CD109: variants seen among roughly 807,000 people sequenced by gnomAD.
CD109 encodes CD109 molecule.
In CD109, 149 loss-of-function variants were observed where a neutral mutation model predicts 165.8. That is an observed-to-expected ratio of 0.90 (90% CI 0.79 to 1.03). The LOEUF (loss-of-function observed/expected upper bound fraction) is 1.03, where lower values mean the gene tolerates loss of function less well. CD109 is among the 50% of genes least tolerant of loss of function. CD109 has a pLI of 0.00. For synonymous variants in CD109, 585 were observed against 592.1 expected, an observed-to-expected ratio of 0.99 and a Z score of 0.18; for missense variants, 1,712 against 1,677.8, an observed-to-expected ratio of 1.02 and a Z score of -0.36.
At chr6:73,742,155 C>T (rs1266267255) in intron 5 of CD109, among the ~76,000 whole-genome samples, 2 of 152,058 alleles carry the variant, frequency 1.3e-5, no homozygotes, top group Non-Finnish European at 2.9e-5. Context: ...AAATCTACAC[C>T]TATTAAACAA....
At chr6:73,679,405 C>A in the CD109 span, among the ~76,000 whole-genome samples, 1 of 151,774 alleles carries the variant, frequency 6.6e-6, no homozygotes, top group Non-Finnish European at 1.5e-5. Context: ...AAGTTATATT[C>A]CAAAAGGTTT....
chr6:73,784,167 A>G (rs1215216136), intron 19 of CD109, among the ~76,000 whole-genome samples: 1 of 152,210 alleles, frequency 6.6e-6, no homozygotes, highest in African/African-American at 2.4e-5. Context: ...GTCCTCTTCA[A>G]GAATGAACAG....
intron 23 of CD109, among the ~76,000 whole-genome samples, chr6:73,801,521 A>G (rs902899036): frequency 2.0e-5 from 3 of 152,236 alleles, no homozygotes; most frequent in Admixed American, 6.5e-5. Flanking sequence ...AAATATCACC[A>G]TGAAACAGAG....
chr6:73,707,720 A>T (rs933637993), intron 2 of CD109, among the ~76,000 whole-genome samples: 1 of 152,088 alleles, frequency 6.6e-6, no homozygotes, highest in Non-Finnish European at 1.5e-5. Flanking sequence ...AGTATAAAAT[A>T]CATAATGGAT....
rs1300381655 is a variant in CD109, at chr6:73,696,240, G to A, written c.25G>A (p.Ala9Thr). The change falls in exon 1 of 33, where the codon GCC (alanine) becomes ACC (threonine). Residue 9 changes from alanine (A) to threonine (T), a missense_variant. Coordinates refer to ENST00000287097, the MANE Select transcript of CD109 (RefSeq NM_133493.5). ...GATGCAGGGCCCACCGCTCCTGACC[G>A]CCGCCCACCTCCTCTGCGTGTGCAC... MQGPPLLT[A>T]AHLLCVCTAA... 2.6e-6 allele frequency: 4 copies of A among 1,543,582 alleles called. No homozygotes were observed. The South Asian group carries it at 4.7e-5, about 18-fold the overall frequency.
intron 13 of CD109, among the ~76,000 whole-genome samples, chr6:73,767,791 G>A (rs1346444856): frequency 2.0e-5 from 3 of 152,150 alleles, no homozygotes; most frequent in East Asian, 3.8e-4. Context: ...TCCCAATGGT[G>A]CCCTGTATTC....
At position 73,762,482 on chromosome 6, in the gene CD109, TA is replaced by T; in HGVS notation, c.855+4del. 6.4e-7 allele frequency: 1 copy of T among 1,568,828 alleles called. No homozygotes were observed. Among genetic ancestry groups the T allele is most frequent in the Non-Finnish European group, 8.8e-7 (1 of 1,140,020 alleles). On this transcript the variant is annotated splice_donor_region_variant and intron_variant, in intron 8 of 32. Transcript: ENST00000287097. Reference sequence around the variant, plus strand: ...AAAAATATTACAAAAACATTTAAGGTAACTTTTGCAGACACTTTATAACTTG... The same window carrying T: ...AAAAATATTACAAAAACATTTAAGGTACTTTTGCAGACACTTTATAACTTG...
At chr6:73,775,062 A>G (rs1175408537) in intron 15 of CD109, among the ~76,000 whole-genome samples, 1 of 151,880 alleles carries the variant, frequency 6.6e-6, no homozygotes, top group Non-Finnish European at 1.5e-5. Context: ...TCGTTAGCCT[A>G]TGCTGCAGCT....
intron 23 of CD109, among the ~76,000 whole-genome samples, chr6:73,795,699 G>A (rs549204291): frequency 2.9e-4 from 44 of 152,168 alleles, no homozygotes; most frequent in Non-Finnish European, 7.4e-5. Flanking sequence ...TTTCCCCTTG[G>A]GAGGAAGTAG....
rs562820589 is a variant in CD109 at position 73,792,102 on chromosome 6, G to C, written c.2702-524G>C. Among the ~76,000 whole-genome samples, 48 of 152,134 alleles carry C rather than the reference G, an allele frequency of 3.2e-4. 1 individual carries two copies. The highest frequency in any genetic ancestry group is 3.4e-3 in the Middle Eastern group (1 of 292). On this transcript the variant is annotated intron_variant, in intron 22 of 32. Transcript: ENST00000287097. ...GATTACTAACTTTGAATCCTTTTCC[G>C]AATCCTTTTGATCCTGAGATTAATT...
intron 5 of CD109, among the ~76,000 whole-genome samples, chr6:73,752,160 C>A (rs756989411): frequency 5.9e-5 from 9 of 152,142 alleles, no homozygotes; most frequent in Non-Finnish European, 1.2e-4. Flanking sequence ...CCAACCAGCA[C>A]CTTAGTTTTG....
At chr6:73,721,068 C>T (rs1771931263) in intron 2 of CD109, among the ~76,000 whole-genome samples, 1 of 152,214 alleles carries the variant, frequency 6.6e-6, no homozygotes, top group South Asian at 2.1e-4. Flanking sequence ...CCTTGTCCTA[C>T]CTGTACTATG....
chr6:73,813,524 T>C (rs4373332), intron 29 of CD109, among the ~76,000 whole-genome samples: 88,411 of 151,376 alleles, frequency 0.58, 26,596 homozygotes, highest in African/African-American at 0.74. Flanking sequence ...AGGAAGGGAC[T>C]AGTAGGCACC....
At position 73,724,661 on chromosome 6, in the gene CD109, T is replaced by C. The variant is rs1328152139; in HGVS notation, c.276+1382T>C. The stretch of plus-strand genomic sequence containing the variant: ...ACAGGTCTTGGTCTGTTGCCCGGGC[T>C]GGAGTTCAGTGGCACAATCATGGCT... On this transcript the variant is annotated intron_variant, in intron 3 of 32. Coordinates refer to ENST00000287097, the MANE Select transcript of CD109 (RefSeq NM_133493.5). 2.0e-5 allele frequency among the ~76,000 whole-genome samples: 3 copies of C among 151,096 alleles called. No homozygotes were observed. In the East Asian group the frequency reaches 5.8e-4, roughly 29 times the overall value.
intron 22 of CD109, among the ~76,000 whole-genome samples, chr6:73,791,138 T>C (rs369320674): frequency 0.19 from 5,773 of 31,204 alleles, 313 homozygotes; most frequent in African/African-American, 0.33. Flanking sequence ...CATACATACA[T>C]ATATATATAT....
At chr6:73,769,315 A>G (rs1470584141) in intron 14 of CD109, among the ~76,000 whole-genome samples, 1 of 152,250 alleles carries the variant, frequency 6.6e-6, no homozygotes, top group Admixed American at 6.5e-5. Context: ...TTAGTGGTAG[A>G]GCACAATTTT....
At chr6:73,708,550 T>G (rs9446991) in intron 2 of CD109, among the ~76,000 whole-genome samples, 6,880 of 152,266 alleles carry the variant, frequency 0.045, 538 homozygotes, top group African/African-American at 0.16. Flanking sequence ...TATTTCTAGT[T>G]ATAGATCCCT....
At chr6:73,758,467 C>T (rs1773485070) in intron 6 of CD109, among the ~76,000 whole-genome samples, 1 of 152,088 alleles carries the variant, frequency 6.6e-6, no homozygotes, top group African/African-American at 2.4e-5. Flanking sequence ...GTCACTGCAA[C>T]CACTGCCTCC....
chr6:73,682,721 C>T, the CD109 span, among the ~76,000 whole-genome samples: 1 of 152,260 alleles, frequency 6.6e-6, no homozygotes, highest in Non-Finnish European at 1.5e-5. Flanking sequence ...ACTACCCCTA[C>T]AGCAAACTTC....
Sources: gnomAD v4.1 joint callset for allele counts (sites outside exome capture counted in the v4.1 genomes callset) on GRCh38, gnomAD v4.1.1 for gene constraint, MANE v1.5 for transcripts, NCBI Gene and HGNC (gene_info 2026-07-23, HGNC 2026-07-21) for gene names.